ABLIM2: variants seen among roughly 807,000 people sequenced by gnomAD.
ABLIM2 encodes the protein actin-binding LIM protein 2.
Under a neutral mutation model 97.7 loss-of-function variants are expected in ABLIM2, and 53 were observed. The ratio of observed to expected loss-of-function variants is 0.54; its 90% CI spans 0.44 to 0.68. ABLIM2 has a LOEUF of 0.68. Among genes scored for constraint, ABLIM2 ranks in the 30% least tolerant of loss-of-function variants. ABLIM2 has a pLI of 0.00. For missense variants in ABLIM2, 835 were observed against 867.2 expected (o/e 0.96, Z 0.47); for synonymous variants, 361 against 345.8 (o/e 1.04, Z -0.49).
chr4:8,097,481 G>A (rs1220892778), intron 2 of ABLIM2, among the ~76,000 whole-genome samples, 199 bp from the exon 3 acceptor site: 1 of 152,212 alleles, frequency 6.6e-6, no homozygotes, highest in African/African-American at 2.4e-5. Context: ...CCCTGGCCTG[G>A]TGGTGAGTGG....
In ABLIM2 at chr4:8,004,267, A is replaced by C. The variant is rs764060768; in HGVS notation, c.1618+3792T>G. Among the ~76,000 whole-genome samples, 5 of 151,956 alleles carry C rather than the reference A, an allele frequency of 3.3e-5. No homozygotes were observed. Among genetic ancestry groups the C allele is most frequent in the Non-Finnish European group, 7.4e-5 (5 of 68,010 alleles). Reference sequence around the variant, plus strand: ...GTCCCACAGCGAGAGGACACACAGAAAGTGACAGAAAATGCCAAGCCACAG... The same window carrying C: ...GTCCCACAGCGAGAGGACACACAGACAGTGACAGAAAATGCCAAGCCACAG... On this transcript the variant is annotated intron_variant, in intron 16 of 20. Transcript: ENST00000447017. The surrounding 1 kb of genome is among the most constrained non-coding windows in gnomAD (Gnocchi z 5.9).
chr4:8,060,853 C>T (rs1802523597), intron 7 of ABLIM2, 114 bp downstream of exon 7: 11 of 908,166 alleles, frequency 1.2e-5, no homozygotes, highest in East Asian at 3.0e-5. Flanking sequence ...CTGGGCTGCT[C>T]GTGACCTAGC....
chr4:8,077,542 AAC>A (rs1561209703), intron 6 of ABLIM2, 84 bp downstream of exon 6: 3 of 1,290,976 alleles, frequency 2.3e-6, no homozygotes, highest in African/African-American at 1.5e-5. Context: ...TTCTTGCACA[AAC>A]ACACACAAAT....
chr4:8,114,603 A>T (rs1842000768), intron 1 of ABLIM2, among the ~76,000 whole-genome samples: 1 of 152,178 alleles, frequency 6.6e-6, no homozygotes, highest in Non-Finnish European at 1.5e-5. Context: ...TGCTGATTAT[A>T]ACCATGAACC....
At chr4:8,040,455 A>G (rs1434139765) in intron 9 of ABLIM2, among the ~76,000 whole-genome samples, 1 of 152,086 alleles carries the variant, frequency 6.6e-6, no homozygotes, top group African/African-American at 2.4e-5. Flanking sequence ...TACTAAAAAT[A>G]CAAAAGTTAG....
chr4:7,983,342 G>C lies in ABLIM2; in HGVS notation c.1746C>G (p.Ile582Met), dbSNP rs1036980550. 3 of 1,611,422 alleles carry C rather than the reference G, an allele frequency of 1.9e-6. No homozygotes were observed. The highest frequency in any genetic ancestry group is 2.5e-6 in the Non-Finnish European group (3 of 1,179,090). ...DASWGMREYK[I>M]YPYDSLIVTN... ...TGACGATGAGGGAGTCATACGGATA[G>C]ATCTGTTGGGGGAGGAAACCACAGG... The change falls in exon 20 of 21, where the codon ATC becomes ATG. Residue 582 changes from isoleucine (I) to methionine (M), a missense_variant and splice_region_variant. Transcript: ENST00000447017.
chr4:8,158,007 C>G (rs1715943705), intron 1 of ABLIM2, among the ~76,000 whole-genome samples: 1 of 152,250 alleles, frequency 6.6e-6, no homozygotes. Context: ...CAAGGCGCGG[C>G]TGGGCTCCAG....
At chr4:7,984,565 CCAAGTGACA>C (rs1156784369) in intron 18 of ABLIM2, among the ~76,000 whole-genome samples, 2 of 152,248 alleles carry the variant, frequency 1.3e-5, no homozygotes, top group African/African-American at 4.8e-5. Flanking sequence ...CTCTGCTTTC[CCAAGTGACA>C]CAGAGTGCCA....
Position 8,071,697 on chromosome 4 carries a change from A to AC in ABLIM2, c.675+5930dup. On this transcript the variant is annotated intron_variant, in intron 6 of 20. Transcript: ENST00000447017. The surrounding 1 kb of genome is among the most constrained non-coding windows in gnomAD (Gnocchi z 6.2). ...CTGACTGCTCTGTCCCCAAAAACCC[A>AC]CCCACCCGCAGCCCCTCCTGGCCCC... The AC allele has an allele frequency of 6.5e-5, 25 of 387,412 alleles. No homozygotes were observed. Among genetic ancestry groups the AC allele is most frequent in the Non-Finnish European group, 7.5e-5 (22 of 294,822 alleles). 24.0% of individuals were successfully genotyped at this position (387,412 alleles called of 1,614,324 possible). A position where few individuals can be genotyped will look rare whatever the true frequency, so the allele number is the denominator to read the frequency against.
At chr4:7,985,830 G>T (rs4696725) in intron 17 of ABLIM2, among the ~76,000 whole-genome samples, 1,763 of 152,206 alleles carry the variant, frequency 0.012, 27 homozygotes, top group African/African-American at 0.039. Flanking sequence ...TGTCTGGAAC[G>T]CTTTCCCTTC....
At chr4:8,034,220 A>G (rs1448669688) in intron 10 of ABLIM2, among the ~76,000 whole-genome samples, 2 of 152,138 alleles carry the variant, frequency 1.3e-5, no homozygotes. Flanking sequence ...AATAAAGCCA[A>G]CACACAGCCT....
chr4:8,030,216 G>T (rs761655681), intron 10 of ABLIM2, among the ~76,000 whole-genome samples: 2 of 152,192 alleles, frequency 1.3e-5, no homozygotes, highest in African/African-American at 4.8e-5. Context: ...GGCACATTTG[G>T]AGGTAGAAAG....
At position 8,127,412 on chromosome 4, in the gene ABLIM2, C is replaced by G. The variant is rs1158453461; in HGVS notation, c.11-20775G>C. On this transcript the variant is annotated intron_variant, in intron 1 of 20. Transcript: ENST00000447017. The surrounding 1 kb of genome is among the most constrained non-coding windows in gnomAD (Gnocchi z 7.3). ...GACCTTCACGCAGGGCACAACTTGACTGGACCCGTCCTTTCCCACCAGACC... is the reference window on the plus strand; with the variant it reads ...GACCTTCACGCAGGGCACAACTTGAGTGGACCCGTCCTTTCCCACCAGACC... 5 of 1,126,708 alleles carry G rather than the reference C, an allele frequency of 4.4e-6. No homozygotes were observed. The highest frequency in any genetic ancestry group is 4.6e-6 in the Non-Finnish European group (4 of 862,282). 69.8% of individuals were successfully genotyped at this position (1,126,708 alleles called of 1,614,324 possible). A position where few individuals can be genotyped will look rare whatever the true frequency, so the allele number is the denominator to read the frequency against.
At chr4:8,080,858 A>G in intron 4 of ABLIM2, 56 bp from the exon 5 acceptor site, 2 of 1,549,844 alleles carry the variant, frequency 1.3e-6, no homozygotes, top group Non-Finnish European at 1.8e-6. Flanking sequence ...GGTGTTGGGG[A>G]GGCCTCCTGC....
At chr4:7,981,364 C>T (rs1426372052) in intron 20 of ABLIM2, among the ~76,000 whole-genome samples, 1 of 152,138 alleles carries the variant, frequency 6.6e-6, no homozygotes, top group Non-Finnish European at 1.5e-5. Context: ...CTGTAAGCCC[C>T]CACCTCGAGT....
At chr4:8,135,984 C>G (rs1172645809) in intron 1 of ABLIM2, among the ~76,000 whole-genome samples, 1 of 152,252 alleles carries the variant, frequency 6.6e-6, no homozygotes, top group Non-Finnish European at 1.5e-5. Context: ...CCATTAAAAA[C>G]ACAATTGTGC....
At position 8,097,141 on chromosome 4, in the gene ABLIM2, C is replaced by A; in HGVS notation, c.296G>T (p.Gly99Val). 1 of 1,611,368 alleles carries A rather than the reference C, an allele frequency of 6.2e-7. No individual in the cohort carries two copies. Among genetic ancestry groups the A allele is most frequent in the Non-Finnish European group, 8.5e-7 (1 of 1,179,072 alleles). The change falls in exon 3 of 21, where the codon GGC becomes GTC. Residue 99 changes from glycine to valine, a missense_variant. By Grantham distance (109) the Gly-to-Val change is moderately radical. Coordinates refer to ENST00000447017, the MANE Select transcript of ABLIM2 (RefSeq NM_001130083.2). The stretch of plus-strand genomic sequence containing the variant: ...GAAGCAGTCGGGGTGGTAGGTCTTG[C>A]CCAGCGCCGACACCACCTCACCCTC... ...FIEGEVVSALGKTYHPDCFVC... is the reference protein window; with the variant it reads ...FIEGEVVSALVKTYHPDCFVC...
rs1025094263 is a variant in ABLIM2, at chr4:8,127,559, C to A, written c.11-20922G>T. 29 of 1,289,818 alleles carry A rather than the reference C, an allele frequency of 2.2e-5. No individual in the cohort carries two copies. Among genetic ancestry groups the A allele is most frequent in the Non-Finnish European group, 2.9e-5 (29 of 988,842 alleles). 79.9% of individuals were successfully genotyped at this position (1,289,818 alleles called of 1,614,324 possible). A position where few individuals can be genotyped will look rare whatever the true frequency, so the allele number is the denominator to read the frequency against. On this transcript the variant is annotated intron_variant, in intron 1 of 20. Transcript: ENST00000447017. This position sits in a 1 kb window ranked among gnomAD's most constrained non-coding sequence, Gnocchi z 7.3. ...TTTGGGGATTTACCTGTGTCTCCCC[C>A]TGGCACCCCCATGGAGCGTGGCTGC...
chr4:8,099,482 G>A (rs35735901), intron 2 of ABLIM2, among the ~76,000 whole-genome samples: 37,282 of 152,032 alleles, frequency 0.25, 4,841 homozygotes, highest in Non-Finnish European at 0.3. Context: ...AGCCCCAGCC[G>A]TTATCTGGGA....
Sources: gnomAD v4.1 joint callset for allele counts (sites outside exome capture counted in the v4.1 genomes callset) on GRCh38, gnomAD v4.1.1 for gene constraint, Gnocchi (gnomAD v3.1) non-coding constraint, MANE v1.5 for transcripts, NCBI Gene and HGNC (gene_info 2026-07-23, HGNC 2026-07-21) for gene names.